KIF13A: variants seen among roughly 807,000 people sequenced by gnomAD.
KIF13A encodes kinesin family member 13A.
KIF13A carries 79 observed loss-of-function variants against 212.2 expected under a neutral mutation model. The observed-to-expected ratio is 0.37, with a 90% confidence interval of 0.31 to 0.45. The LOEUF (loss-of-function observed/expected upper bound fraction) is 0.45, where lower values mean the gene tolerates loss of function less well. KIF13A is among the 20% of genes least tolerant of loss of function. The pLI is 1.00. For missense variants in KIF13A, 1,901 were observed against 2,209.0 expected (o/e 0.86, Z 2.79); for synonymous variants, 789 against 808.6 (o/e 0.98, Z 0.41).
At chr6:17,874,999 GCACGCACACA>G (rs1473401610) in intron 3 of KIF13A, among the ~76,000 whole-genome samples, 3,055 of 120,326 alleles carry the variant, frequency 0.025, 58 homozygotes, top group Non-Finnish European at 0.04. Flanking sequence ...ACACGCACAC[GCACGCACACA>G]CACACACACA....
intron 2 of KIF13A, among the ~76,000 whole-genome samples, chr6:17,916,799 C>T (rs1774553763): frequency 6.6e-6 from 1 of 152,174 alleles, no homozygotes; most frequent in African/African-American, 2.4e-5. Context: ...CAGGTATGAA[C>T]AAGTGGCATT....
At chr6:17,909,665 C>T (rs1047274556) in intron 2 of KIF13A, among the ~76,000 whole-genome samples, 1 of 151,808 alleles carries the variant, frequency 6.6e-6, no homozygotes. Flanking sequence ...GAGGCCAAGG[C>T]AGGCAGATCA....
intron 20 of KIF13A, among the ~76,000 whole-genome samples, chr6:17,801,428 C>T (rs755314089): frequency 1.3e-5 from 2 of 152,040 alleles, no homozygotes; most frequent in Non-Finnish European, 2.9e-5. Context: ...CTTGAACCCG[C>T]GAGGCGGAGG....
intron 35 of KIF13A, among the ~76,000 whole-genome samples, chr6:17,774,544 C>G (rs769152626): frequency 6.6e-6 from 1 of 152,070 alleles, no homozygotes; most frequent in African/African-American, 2.4e-5. Flanking sequence ...GAGGCCGAGG[C>G]GGATCGATCA....
At position 17,811,953 on chromosome 6, in the gene KIF13A, C is replaced by G. The variant is rs2150348043; in HGVS notation, c.2001-3023G>C. The G allele has an allele frequency of 6.6e-6, 1 of 152,262 alleles. No homozygotes were observed. Among genetic ancestry groups the G allele is most frequent in the Non-Finnish European group, 1.5e-5 (1 of 68,066 alleles). 9.4% of individuals were successfully genotyped at this position (152,262 alleles called of 1,614,324 possible). On this transcript the variant is annotated intron_variant, in intron 17 of 38. Coordinates refer to ENST00000259711, the MANE Select transcript of KIF13A (RefSeq NM_022113.6). This position sits in a 1 kb window ranked among gnomAD's most constrained non-coding sequence, Gnocchi z 6.0. ...CACAGTGCACTACAGCTTGAAACTC[C>G]TGGGCGCAGGTGATCCTCCTGCCTC...
rs1403825728 is a variant in KIF13A at position 17,892,668 on chromosome 6, T to C, written c.159+5500A>G. On this transcript the variant is annotated intron_variant, in intron 3 of 38. Transcript: ENST00000259711. The surrounding 1 kb of genome is among the most constrained non-coding windows in gnomAD (Gnocchi z 4.7). Reference sequence around the variant, plus strand: ...GAGAGACACTAGAGACTGAGTTCAATGGATTCAATCAATTATGCCTATGTG... The same window carrying C: ...GAGAGACACTAGAGACTGAGTTCAACGGATTCAATCAATTATGCCTATGTG... Among the ~76,000 whole-genome samples the C allele has an allele frequency of 1.3e-5, 2 of 152,186 alleles. No individual in the cohort carries two copies. Among genetic ancestry groups the C allele is most frequent in the Non-Finnish European group, 2.9e-5 (2 of 68,038 alleles).
intron 2 of KIF13A, among the ~76,000 whole-genome samples, chr6:17,964,791 T>C (rs557736225): frequency 6.6e-6 from 1 of 152,112 alleles, no homozygotes; most frequent in East Asian, 1.9e-4. Context: ...CCCAGGTCAA[T>C]GTTTTTAGAA....
At position 17,821,895 on chromosome 6, in the gene KIF13A, C is replaced by T. The variant is rs541462132; in HGVS notation, c.1786+3873G>A. ...ACCACCAGGCAGACAGGCTTATTAT[C>T]GGGAAGCCACCTAGCAGTAGAGGGG... On this transcript the variant is annotated intron_variant, in intron 16 of 38. Coordinates refer to ENST00000259711, the MANE Select transcript of KIF13A (RefSeq NM_022113.6). 42 of 1,535,376 alleles carry T rather than the reference C, an allele frequency of 2.7e-5. No homozygotes were observed. In the South Asian group the frequency reaches 3.6e-4, roughly 13 times the overall value.
At chr6:17,949,689 G>A (rs1366000336) in intron 2 of KIF13A, among the ~76,000 whole-genome samples, 1 of 152,018 alleles carries the variant, frequency 6.6e-6, no homozygotes, top group Non-Finnish European at 1.5e-5. Context: ...AATTGTATAT[G>A]CATACACACA....
intron 2 of KIF13A, among the ~76,000 whole-genome samples, chr6:17,966,492 C>T (rs9367975): frequency 7.6e-4 from 44 of 58,198 alleles, no homozygotes; most frequent in African/African-American, 8.6e-4. Context: ...TTCAAAAGTT[C>T]TGAAAAAAAA....
intron 25 of KIF13A, among the ~76,000 whole-genome samples, chr6:17,792,735 G>C (rs958863196): frequency 2.6e-5 from 4 of 152,132 alleles, no homozygotes; most frequent in Non-Finnish European, 5.9e-5. Context: ...GGGAATTTTG[G>C]GCTTGAAGAA....
chr6:17,790,044 G>A, intron 25 of KIF13A, 134 bp from the exon 26 acceptor site: 1 of 633,128 alleles, frequency 1.6e-6, no homozygotes, highest in South Asian at 2.2e-5. Context: ...ACACTAAATT[G>A]AATCTCAAAA....
At chr6:17,842,860 T>A (rs1344146902) in intron 9 of KIF13A, among the ~76,000 whole-genome samples, 1 of 152,036 alleles carries the variant, frequency 6.6e-6, no homozygotes, top group African/African-American at 2.4e-5. Flanking sequence ...AATCCAACTT[T>A]TTTTTTTTTC....
At chr6:17,881,538 T>C (rs1271559728) in intron 3 of KIF13A, 3 of 416,348 alleles carry the variant, frequency 7.2e-6, no homozygotes, top group Admixed American at 6.0e-5. Context: ...CTCTACTAAA[T>C]ATACAAAAAT....
chr6:17,898,443 A>G lies in KIF13A; in HGVS notation c.147-263T>C, dbSNP rs918692778. Among the ~76,000 whole-genome samples, 2 of 152,218 alleles carry G rather than the reference A, an allele frequency of 1.3e-5. No individual in the cohort carries two copies. Among genetic ancestry groups the G allele is most frequent in the Non-Finnish European group, 2.9e-5 (2 of 68,044 alleles). On this transcript the variant is annotated intron_variant, in intron 2 of 38. Transcript: ENST00000259711. The surrounding 1 kb of genome is among the most constrained non-coding windows in gnomAD (Gnocchi z 5.2). ...CTCTTGGTTGCACAGAATGAATTCA[A>G]TCATTCAGATATTTTTAATGACTTT...
At position 17,987,401 on chromosome 6, in the gene KIF13A, C is replaced by G; in HGVS notation, c.55+8G>C. On this transcript the variant is annotated splice_region_variant and intron_variant, in intron 1 of 38. Coordinates refer to ENST00000259711, the MANE Select transcript of KIF13A (RefSeq NM_022113.6). The surrounding 1 kb of genome is among the most constrained non-coding windows in gnomAD (Gnocchi z 7.7). ...AGCAGAAATAAAAAAGAGCGGAAAG[C>G]TCCTCACCTCGTCGGTTCATGGGCC... 7.3e-7 allele frequency: 1 copy of G among 1,370,348 alleles called. No homozygotes were observed. The highest frequency in any genetic ancestry group is 9.7e-7 in the Non-Finnish European group (1 of 1,033,360). 84.9% of individuals were successfully genotyped at this position (1,370,348 alleles called of 1,614,324 possible).
rs1326420569 is a variant in KIF13A at position 17,773,091 on chromosome 6, T to C, written c.4324+387A>G. On this transcript the variant is annotated intron_variant, in intron 36 of 38. Transcript: ENST00000259711. The surrounding 1 kb of genome is among the most constrained non-coding windows in gnomAD (Gnocchi z 4.2). ...CATTTTGGGTATCGTTTTTGAAAAC[T>C]GCTTTATGAATCAAAGTCATGTTCT... 6.6e-6 allele frequency among the ~76,000 whole-genome samples: 1 copy of C among 152,222 alleles called. No homozygotes were observed. The highest frequency in any genetic ancestry group is 1.5e-5 in the Non-Finnish European group (1 of 68,044).
intron 2 of KIF13A, among the ~76,000 whole-genome samples, chr6:17,913,594 T>C (rs1013256056): frequency 2.0e-5 from 3 of 152,146 alleles, no homozygotes; most frequent in African/African-American, 7.2e-5. Context: ...CAGCTGTCTG[T>C]GTTTCCTTCA....
Position 17,799,540 on chromosome 6 carries a change from A to T in KIF13A, c.2617-101T>A. On this transcript the variant is annotated intron_variant, in intron 21 of 38. Transcript: ENST00000259711. This position sits in a 1 kb window ranked among gnomAD's most constrained non-coding sequence, Gnocchi z 4.4. ...GAGTAAGCGATGAAACAAATTGGTC[A>T]TCCATTTGACATGTGAAAATATTAT... is the stretch of plus-strand genomic sequence containing the variant. The T allele has an allele frequency of 1.1e-6, 1 of 922,478 alleles. No individual in the cohort carries two copies. The highest frequency in any genetic ancestry group is 1.6e-6 in the Non-Finnish European group (1 of 628,454). 57.1% of individuals were successfully genotyped at this position (922,478 alleles called of 1,614,324 possible). A position where few individuals can be genotyped will look rare whatever the true frequency, so the allele number is the denominator to read the frequency against.
Sources: gnomAD v4.1 joint callset for allele counts (sites outside exome capture counted in the v4.1 genomes callset) on GRCh38, gnomAD v4.1.1 for gene constraint, Gnocchi (gnomAD v3.1) non-coding constraint, MANE v1.5 for transcripts, NCBI Gene and HGNC (gene_info 2026-07-23, HGNC 2026-07-21) for gene names.